TERF1: variants seen among roughly 807,000 people sequenced by gnomAD.
TERF1 encodes the protein telomeric repeat-binding factor 1.
In TERF1, 20 loss-of-function variants were observed where a neutral mutation model predicts 55.1. That is an observed-to-expected ratio of 0.36 (90% CI 0.26 to 0.53). The LOEUF (loss-of-function observed/expected upper bound fraction) is 0.53. TERF1 is among the 20% of genes least tolerant of loss of function. TERF1 has a pLI of 0.91. For synonymous variants in TERF1, 168 were observed against 181.2 expected (o/e 0.93, Z 0.59); for missense variants, 439 against 535.7 (o/e 0.82, Z 1.78).
intron 8 of TERF1, among the ~76,000 whole-genome samples, chr8:73,034,899 C>G (rs1809445858): frequency 6.6e-6 from 1 of 152,054 alleles, no homozygotes; most frequent in Non-Finnish European, 1.5e-5. Flanking sequence ...TGAAATCAGA[C>G]AGTCTGACTC....
chr8:73,030,208 TGTTACCAAG>T, intron 6 of TERF1, 119 bp from the exon 7 acceptor site: 1 of 597,578 alleles, frequency 1.7e-6, no homozygotes, highest in South Asian at 2.5e-5. Context: ...TATGTCCCGA[TGTTACCAAG>T]GTTTCTTTCC....
At position 73,028,695 on chromosome 8, in the gene TERF1, A is replaced by C. The variant is rs569275883; in HGVS notation, c.888-1641A>C. ...TGTTCCTTCTATTTGAATTCCTATCATTTTATTCTCTCCAAGGCAAGCTCT... is the reference window on the plus strand; with the variant it reads ...TGTTCCTTCTATTTGAATTCCTATCCTTTTATTCTCTCCAAGGCAAGCTCT... On this transcript the variant is annotated intron_variant, in intron 6 of 9. Transcript: ENST00000276603. 1.0e-3 allele frequency among the ~76,000 whole-genome samples: 148 copies of C among 146,284 alleles called. 1 individual carries two copies. The highest frequency in any genetic ancestry group is 3.6e-3 in the African/African-American group (142 of 39,314).
chr8:73,017,858 A>C (rs56385549), intron 2 of TERF1, among the ~76,000 whole-genome samples: 5 of 151,974 alleles, frequency 3.3e-5, no homozygotes, highest in African/African-American at 1.2e-4. Context: ...GTGCGCCACC[A>C]TGCCTGACTA....
chr8:73,009,022 G>A lies in TERF1; in HGVS notation c.136G>A (p.Glu46Lys), dbSNP rs1808150336. The change falls in exon 1 of 10, where the codon GAG becomes AAG. Residue 46 changes from glutamate to lysine, a missense_variant. Transcript: ENST00000276603. ...GCAGTTCGAATGCCAGGAACTGCTCGAGTGCCAGGTGCAGGTGGGGGCCCC... is the reference window on the plus strand; with the variant it reads ...GCAGTTCGAATGCCAGGAACTGCTCAAGTGCCAGGTGCAGGTGGGGGCCCC... The part of the protein sequence containing the change: ...EEQFECQELL[E>K]CQVQVGAPEE... The A allele has an allele frequency of 6.2e-7, 1 of 1,611,336 alleles. No individual in the cohort carries two copies. The highest frequency in any genetic ancestry group is 1.3e-5 in the African/African-American group (1 of 74,996).
intron 8 of TERF1, among the ~76,000 whole-genome samples, chr8:73,037,657 G>T (rs1175368424): frequency 3.9e-4 from 6 of 15,318 alleles, no homozygotes; most frequent in East Asian, 5.8e-4. Flanking sequence ...TATATTATAT[G>T]TATAATAATA....
At chr8:73,021,687 A>C (rs1808760015) in intron 3 of TERF1, among the ~76,000 whole-genome samples, 1 of 152,214 alleles carries the variant, frequency 6.6e-6, no homozygotes, top group Admixed American at 6.5e-5. Flanking sequence ...CCAAGTTTAC[A>C]TAGCTACCCA....
intron 5 of TERF1, among the ~76,000 whole-genome samples, chr8:73,025,770 A>AC (rs1808959306): frequency 1.3e-5 from 2 of 150,094 alleles, no homozygotes; most frequent in African/African-American, 4.9e-5. Context: ...AAAAAAAAAA[A>AC]AAAAAAAAAA....
At chr8:73,018,787 T>C (rs1282797476) in intron 2 of TERF1, among the ~76,000 whole-genome samples, 1 of 152,154 alleles carries the variant, frequency 6.6e-6, no homozygotes, top group Non-Finnish European at 1.5e-5. Flanking sequence ...TTTAGAAAAA[T>C]ACACTTAAGT....
At position 73,032,239 on chromosome 8, in the gene TERF1, T is replaced by C. The variant is rs1349538858; in HGVS notation, c.1039+106T>C. On this transcript the variant is annotated intron_variant, in intron 8 of 9. Coordinates refer to ENST00000276603, the MANE Select transcript of TERF1 (RefSeq NM_017489.3). ...CAAAAAAACACACACTTCAGAAAAC[T>C]GAAGCACAAAGTCTTGACTTCATAG... 58 of 723,448 alleles carry C rather than the reference T, an allele frequency of 8.0e-5. 2 individuals are homozygous for C. The South Asian group carries it at 8.7e-4, about 11-fold the overall frequency. The allele number at this position is 723,448 out of a possible 1,614,324, so 44.8% of individuals were successfully genotyped here. A position where few individuals can be genotyped will look rare whatever the true frequency, so the allele number is the denominator to read the frequency against.
intron 8 of TERF1, among the ~76,000 whole-genome samples, chr8:73,033,352 T>C (rs1304821002): frequency 6.6e-6 from 1 of 152,182 alleles, no homozygotes; most frequent in East Asian, 1.9e-4. Context: ...TACCTATTGC[T>C]GCAAGACGGC....
intron 4 of TERF1, among the ~76,000 whole-genome samples, chr8:73,023,789 C>T (rs1257072592): frequency 6.6e-6 from 1 of 152,156 alleles, no homozygotes; most frequent in Non-Finnish European, 1.5e-5. Flanking sequence ...ATTAAAATGT[C>T]TTAGAATATC....
chr8:73,018,099 T>C (rs913374658), intron 2 of TERF1, among the ~76,000 whole-genome samples: 2 of 152,228 alleles, frequency 1.3e-5, no homozygotes, highest in African/African-American at 4.8e-5. Flanking sequence ...TCCATTAAAG[T>C]ACCAGTTATA....
Position 73,039,112 on chromosome 8 carries a change from T to G in TERF1, c.1040-4T>G. ...TATTTATGACATTATTTTTCTACTT[T>G]TAGGTACAAAAAAGAAAAAAGAAAG... On this transcript the variant is annotated splice_region_variant and splice_polypyrimidine_tract_variant and intron_variant, in intron 8 of 9. Coordinates refer to ENST00000276603, the MANE Select transcript of TERF1 (RefSeq NM_017489.3). 1 of 1,551,390 alleles carries G rather than the reference T, an allele frequency of 6.4e-7. No homozygotes were observed. Among genetic ancestry groups the G allele is most frequent in the Non-Finnish European group, 8.7e-7 (1 of 1,148,670 alleles).
At chr8:73,023,894 G>A (rs1206257065) in intron 4 of TERF1, among the ~76,000 whole-genome samples, 1 of 152,120 alleles carries the variant, frequency 6.6e-6, no homozygotes, top group Admixed American at 6.5e-5. Flanking sequence ...GATCATTTTA[G>A]CAAAATATTT....
At chr8:73,029,198 G>A (rs780779948) in intron 6 of TERF1, among the ~76,000 whole-genome samples, 1 of 152,184 alleles carries the variant, frequency 6.6e-6, no homozygotes, top group Non-Finnish European at 1.5e-5. Context: ...TCCATGTTAT[G>A]AAGACTAGAT....
intron 2 of TERF1, chr8:73,019,153 T>TA (rs1808645339): frequency 6.6e-6 from 1 of 152,164 alleles, no homozygotes; most frequent in Non-Finnish European, 1.5e-5. Flanking sequence ...TAAGAATTGC[T>TA]AGATTTTGTC....
At chr8:73,032,464 G>A (rs1165443405) in intron 8 of TERF1, among the ~76,000 whole-genome samples, 1 of 152,050 alleles carries the variant, frequency 6.6e-6, no homozygotes, top group Non-Finnish European at 1.5e-5. Context: ...ATAATGTAAT[G>A]GAGCACATAT....
At position 73,013,976 on chromosome 8, in the gene TERF1, C is replaced by A. The variant is rs962670320; in HGVS notation, c.401C>A (p.Ala134Glu). Residue 134 changes from alanine (A) to glutamate (E), a missense_variant, in exon 2 of 10, where the codon GCA (alanine) becomes GAA (glutamate). By Grantham distance (107) the Ala-to-Glu change is moderately radical. Around this residue, in one of 4 missense-constraint regions of TERF1, gnomAD observed 95 missense variants for 167.2 expected, o/e 0.57. Transcript: ENST00000276603. ...TGTCAGTTTTTGACAAGAATTGCAG[C>A]AGGAAAAACCCTTGGTAAATATGTT... The part of the protein sequence containing the change: ...YICQFLTRIA[A>E]GKTLDAQFEN... 9 of 1,606,320 alleles carry A rather than the reference C, an allele frequency of 5.6e-6. No homozygotes were observed. Among genetic ancestry groups the A allele is most frequent in the Non-Finnish European group, 7.7e-6 (9 of 1,175,470 alleles).
intron 6 of TERF1, among the ~76,000 whole-genome samples, chr8:73,027,775 T>C (rs765178321): frequency 1.6e-4 from 25 of 152,166 alleles, no homozygotes; most frequent in Non-Finnish European, 3.1e-4. Context: ...ATGGATGTAA[T>C]ATTACTTTCT....
Sources: gnomAD v4.1 joint callset for allele counts (sites outside exome capture counted in the v4.1 genomes callset) on GRCh38, gnomAD v4.1.1 for gene constraint, gnomAD v4.1.1 regional missense constraint, MANE v1.5 for transcripts, NCBI Gene and HGNC (gene_info 2026-07-23, HGNC 2026-07-21) for gene names.